Variants in INSR observed in about 807,000 individuals in gnomAD.
The protein encoded by INSR is IR.
In INSR, 67 loss-of-function variants were observed where a neutral mutation model predicts 142.6. The ratio of observed to expected loss-of-function variants is 0.47; its 90% CI spans 0.39 to 0.58. The LOEUF is 0.58. Ranked by LOEUF, INSR falls within the 20% of genes least tolerant of loss-of-function variation. The pLI, the probability that INSR is intolerant of heterozygous loss-of-function variation, is 0.00. For synonymous variants in INSR, 756 were observed against 743.1 expected (o/e 1.02, Z -0.28); for missense variants, 1,248 against 1,833.2 (o/e 0.68, Z 5.83).
intron 5 of INSR, among the ~76,000 whole-genome samples, chr19:7,171,392 C>T (rs1042827167): frequency 1.3e-5 from 2 of 152,122 alleles, no homozygotes; most frequent in African/African-American, 4.8e-5. Context: ...GTCTGTTCTA[C>T]AGATGTGAGG....
intron 10 of INSR, among the ~76,000 whole-genome samples, chr19:7,151,162 CTCTTTCTTTCTTTCTTTCTTTCTT>C (rs1218566297): frequency 0.026 from 1,184 of 45,888 alleles, 14 homozygotes; most frequent in Middle Eastern, 0.1. Context: ...TTCTTTCTTT[CTCTTTCTTTCTTTCTTTCTTTCTT>C]TCTTTCTTTC....
chr19:7,184,778 C>G, intron 2 of INSR, 141 bp from the exon 3 acceptor site: 1 of 556,290 alleles, frequency 1.8e-6, no homozygotes, highest in Admixed American at 3.9e-5. Flanking sequence ...CAAACACTAA[C>G]AGTAAAAGCG....
rs767074051 is a variant in INSR, at chr19:7,168,063, A to T, written c.1515T>A (p.Ile505=). ...CENELLKFSY[I]RTSFDKILLR... ...GCAAGATCTTGTCAAAAGATGTCCGAATGTAAGAAAATTTAAGTAACTCAT... is the reference window on the plus strand; with the variant it reads ...GCAAGATCTTGTCAAAAGATGTCCGTATGTAAGAAAATTTAAGTAACTCAT... The change falls in exon 7 of 22, where the codon ATT becomes ATA. Residue 505 remains isoleucine (I), a synonymous_variant. Transcript: ENST00000302850. This position sits in a 1 kb window ranked among gnomAD's most constrained non-coding sequence, Gnocchi z 4.3. The T allele has an allele frequency of 6.8e-6, 11 of 1,613,934 alleles. No homozygotes were observed. The South Asian group carries it at 1.2e-4, about 18-fold the overall frequency.
intron 2 of INSR, among the ~76,000 whole-genome samples, chr19:7,231,614 A>G (rs1039471694): frequency 2.0e-5 from 3 of 151,964 alleles, no homozygotes; most frequent in Middle Eastern, 3.4e-3. Flanking sequence ...TGTTGTCTTG[A>G]TAAGAGTTTA....
At position 7,251,360 on chromosome 19, in the gene INSR, G is replaced by A. The variant is rs564051357; in HGVS notation, c.652+15985C>T. Reference sequence around the variant, plus strand: ...CAGCCTCAACCTTCTGTGCTCAAGCGATCCTCCCACCTCAGCCTCCCGAGT... The same window carrying A: ...CAGCCTCAACCTTCTGTGCTCAAGCAATCCTCCCACCTCAGCCTCCCGAGT... On this transcript the variant is annotated intron_variant, in intron 2 of 21. Coordinates refer to ENST00000302850, the MANE Select transcript of INSR (RefSeq NM_000208.4). Among the ~76,000 whole-genome samples the A allele has an allele frequency of 8.8e-4, 134 of 152,086 alleles. 1 individual carries two copies. The highest frequency in any genetic ancestry group is 4.8e-3 in the South Asian group (23 of 4,816).
rs567572588 is a variant in INSR at position 7,159,134 on chromosome 19, C to A, written c.2029+3898G>T. 2.6e-5 allele frequency among the ~76,000 whole-genome samples: 4 copies of A among 152,228 alleles called. No individual in the cohort carries two copies. Among genetic ancestry groups the A allele is most frequent in the African/African-American group, 4.8e-5 (2 of 41,544 alleles). ...CCCAGGCTGGTCTCGAACTCCTGGC[C>A]TCAAAGTGATCCACCCCACCTCGGC... On this transcript the variant is annotated intron_variant, in intron 9 of 21. Transcript: ENST00000302850. The surrounding 1 kb of genome is among the most constrained non-coding windows in gnomAD (Gnocchi z 4.3).
intron 2 of INSR, among the ~76,000 whole-genome samples, chr19:7,211,908 G>A (rs775512225): frequency 2.4e-4 from 37 of 152,160 alleles, no homozygotes; most frequent in Admixed American, 3.9e-4. Context: ...GTATTCTCAC[G>A]AATTCAACAC....
intron 3 of INSR, among the ~76,000 whole-genome samples, chr19:7,175,432 A>G: frequency 6.6e-6 from 1 of 152,060 alleles, no homozygotes; most frequent in Non-Finnish European, 1.5e-5. Context: ...GTAATTCTCC[A>G]CTGTGGTAGT....
At chr19:7,270,953 T>C (rs1177599572) in intron 1 of INSR, among the ~76,000 whole-genome samples, 3 of 151,116 alleles carry the variant, frequency 2.0e-5, no homozygotes, top group Non-Finnish European at 2.9e-5. Flanking sequence ...TGGCAACTAT[T>C]TGGGAGGCCG....
chr19:7,179,502 T>A (rs919448359), intron 3 of INSR, among the ~76,000 whole-genome samples: 1 of 152,234 alleles, frequency 6.6e-6, no homozygotes, highest in African/African-American at 2.4e-5. Context: ...TTTGACTTCT[T>A]TTATTGCCTC....
At chr19:7,217,533 G>A (rs118080005) in intron 2 of INSR, among the ~76,000 whole-genome samples, 85 of 152,220 alleles carry the variant, frequency 5.6e-4, no homozygotes, top group East Asian at 3.7e-3. Context: ...AGAATGTTTC[G>A]GTAGCAGTCA....
intron 2 of INSR, among the ~76,000 whole-genome samples, chr19:7,213,357 A>C (rs1170516588): frequency 6.0e-4 from 83 of 137,986 alleles, no homozygotes; most frequent in Non-Finnish European, 9.6e-4. Context: ...AAAAAAAAAA[A>C]AACAAACAAA....
At chr19:7,157,206 T>C (rs1452831219) in intron 9 of INSR, among the ~76,000 whole-genome samples, 1 of 151,732 alleles carries the variant, frequency 6.6e-6, no homozygotes, top group East Asian at 1.9e-4. Flanking sequence ...TCTGAACTCC[T>C]GACCTCAGGT....
At chr19:7,217,922 T>G (rs1475089516) in intron 2 of INSR, among the ~76,000 whole-genome samples, 1 of 152,158 alleles carries the variant, frequency 6.6e-6, no homozygotes, top group Admixed American at 6.6e-5. Flanking sequence ...AAAGTTCTCA[T>G]GTACCCATCA....
intron 2 of INSR, among the ~76,000 whole-genome samples, chr19:7,188,870 CAAAA>C (rs10549803): frequency 3.0e-3 from 213 of 71,824 alleles, no homozygotes; most frequent in African/African-American, 9.8e-3. Flanking sequence ...GACTCTATCT[CAAAA>C]AAAAAAAAAA....
chr19:7,163,300 G>T, intron 8 of INSR, 101 bp from the exon 9 acceptor site: 1 of 1,203,268 alleles, frequency 8.3e-7, no homozygotes, highest in Non-Finnish European at 1.2e-6. Context: ...CATCATGAGG[G>T]CACCCATCCC....
chr19:7,269,376 A>AACACACAC (rs60776874), intron 1 of INSR, among the ~76,000 whole-genome samples: 97 of 134,784 alleles, frequency 7.2e-4, no homozygotes, highest in African/African-American at 2.5e-3. Flanking sequence ...AAGTCGAGAA[A>AACACACAC]ACACACACAC....
In INSR at chr19:7,150,473, A is replaced by G. The variant is rs750244994; in HGVS notation, c.2267+24T>C. Reference sequence around the variant, plus strand: ...GCCGGCCCTGCGCGGAGCAGGCACCAGGGGTCGCACAGGTGAGTCATACCT... The same window carrying G: ...GCCGGCCCTGCGCGGAGCAGGCACCGGGGGTCGCACAGGTGAGTCATACCT... On this transcript the variant is annotated intron_variant, in intron 11 of 21. Coordinates refer to ENST00000302850, the MANE Select transcript of INSR (RefSeq NM_000208.4). The surrounding 1 kb of genome is among the most constrained non-coding windows in gnomAD (Gnocchi z 4.2). 2 of 1,612,192 alleles carry G rather than the reference A, an allele frequency of 1.2e-6. No homozygotes were observed. The highest frequency in any genetic ancestry group is 1.7e-6 in the Non-Finnish European group (2 of 1,178,402).
chr19:7,197,390 C>A (rs1482923892), intron 2 of INSR, among the ~76,000 whole-genome samples: 4 of 152,200 alleles, frequency 2.6e-5, no homozygotes, highest in Admixed American at 6.5e-5. Flanking sequence ...CGGGGGCGGG[C>A]CCTCTCCATG....
Sources: allele counts gnomAD v4.1 joint callset (sites outside exome capture counted in the v4.1 genomes callset), GRCh38; gene constraint gnomAD v4.1.1; non-coding constraint Gnocchi (gnomAD v3.1); transcripts MANE v1.5; gene names NCBI Gene and HGNC (gene_info 2026-07-23, HGNC 2026-07-21).